The following B4GALT6 variants were observed in gnomAD, a reference collection of about 807,000 sequenced individuals.
B4GALT6 encodes UDP-Gal:beta-GlcNAc beta-1,4-galactosyltransferase 6.
Under a neutral mutation model 46.3 loss-of-function variants are expected in B4GALT6, and 14 were observed. That is an observed-to-expected ratio of 0.30 (90% CI 0.20 to 0.47). The LOEUF (loss-of-function observed/expected upper bound fraction) is 0.47. B4GALT6 is among the 20% of genes least tolerant of loss of function. B4GALT6 has a pLI of 0.99. For synonymous variants in B4GALT6, 168 were observed against 162.0 expected (o/e 1.04, Z -0.28); for missense variants, 386 against 480.1 (o/e 0.80, Z 1.83).
At chr18:31,709,126 C>A in the B4GALT6 span, among the ~76,000 whole-genome samples, 1 of 152,070 alleles carries the variant, frequency 6.6e-6, no homozygotes, top group African/African-American at 2.4e-5. Flanking sequence ...AATCTACAGT[C>A]CCTTTCAGGT....
the B4GALT6 span, among the ~76,000 whole-genome samples, chr18:31,707,980 C>G: frequency 1.3e-5 from 2 of 152,176 alleles, no homozygotes; most frequent in Non-Finnish European, 2.9e-5. Flanking sequence ...TTACCAGTGT[C>G]AATTCATATA....
At chr18:31,672,562 G>A (rs954584607) in intron 1 of B4GALT6, among the ~76,000 whole-genome samples, 12 of 152,212 alleles carry the variant, frequency 7.9e-5, no homozygotes, top group African/African-American at 2.9e-4. Flanking sequence ...AGAAGAGGGA[G>A]AGGTAAACCA....
chr18:31,653,765 T>C (rs1051042229), intron 3 of B4GALT6, among the ~76,000 whole-genome samples: 3 of 152,082 alleles, frequency 2.0e-5, no homozygotes, highest in African/African-American at 4.8e-5. Flanking sequence ...TTTCATAGCA[T>C]GCCTTTCTCC....
intron 3 of B4GALT6, among the ~76,000 whole-genome samples, chr18:31,651,391 C>T (rs1294142415): frequency 6.6e-6 from 1 of 152,056 alleles, no homozygotes; most frequent in Non-Finnish European, 1.5e-5. Flanking sequence ...ATTGTGACTC[C>T]ACCAGGGTGG....
intron 1 of B4GALT6, among the ~76,000 whole-genome samples, chr18:31,673,169 C>G (rs1430158868): frequency 6.6e-6 from 1 of 152,006 alleles, no homozygotes; most frequent in Non-Finnish European, 1.5e-5. Context: ...TAAGCAGAGG[C>G]TGAAGTGCAC....
upstream of B4GALT6, chr18:31,684,819 C>A (rs1237369966): frequency 1.0e-6 from 1 of 992,074 alleles, no homozygotes. Flanking sequence ...GGCGCCCCTG[C>A]GGAGAGGGGC....
chr18:31,659,088 G>T (rs1445441537), intron 2 of B4GALT6, among the ~76,000 whole-genome samples: 2 of 152,118 alleles, frequency 1.3e-5, no homozygotes, highest in African/African-American at 4.8e-5. Context: ...TGAAATGAGA[G>T]ACGGAAACAG....
chr18:31,691,800 C>G, the B4GALT6 span, among the ~76,000 whole-genome samples: 1 of 152,078 alleles, frequency 6.6e-6, no homozygotes, highest in Non-Finnish European at 1.5e-5. Context: ...GTGTCTGAAA[C>G]AGGAATTCTG....
rs2074282347 is a variant in B4GALT6 at position 31,666,327 on chromosome 18, C to T, written c.161G>A (p.Arg54Lys). ...ATGACCTATTGTTTTCACATTTTCT[C>T]TCAACATTATACCTCGAGCTTGTAC... ...FMVQARGIML[R>K]ENVKTIGHMI... Residue 54 changes from arginine (R) to lysine (K), a missense_variant, in exon 2 of 9, where the codon AGA becomes AAA. Arg to Lys is a conservative substitution (Grantham distance 26). Transcript: ENST00000306851. 1 of 1,610,720 alleles carries T rather than the reference C, an allele frequency of 6.2e-7. No homozygotes were observed. Among genetic ancestry groups the T allele is most frequent in the Non-Finnish European group, 8.5e-7 (1 of 1,178,198 alleles).
chr18:31,679,856 C>G (rs1791204), intron 1 of B4GALT6, among the ~76,000 whole-genome samples: 134,633 of 152,222 alleles, frequency 0.88, 59,734 homozygotes, highest in Non-Finnish European at 0.93. Context: ...TGTTAAAGCT[C>G]TTCCTGTTTC....
the B4GALT6 span, among the ~76,000 whole-genome samples, chr18:31,693,800 TCTATAAAAAATG>T: frequency 6.6e-6 from 1 of 151,892 alleles, no homozygotes; most frequent in Admixed American, 6.6e-5. Flanking sequence ...GGACTCCATC[TCTATAAAAAATG>T]CAAAAATTGC....
At chr18:31,679,628 GATAA>G (rs904145052) in intron 1 of B4GALT6, among the ~76,000 whole-genome samples, 2 of 152,158 alleles carry the variant, frequency 1.3e-5, no homozygotes, top group African/African-American at 2.4e-5. Context: ...TGTGTTGGAG[GATAA>G]ATAAATACCA....
At chr18:31,714,650 G>C in the B4GALT6 span, among the ~76,000 whole-genome samples, 1 of 152,188 alleles carries the variant, frequency 6.6e-6, no homozygotes, top group Non-Finnish European at 1.5e-5. Flanking sequence ...CTACAGTAAA[G>C]CGCAAATAAT....
chr18:31,682,293 A>C (rs1408512595), intron 1 of B4GALT6, among the ~76,000 whole-genome samples: 1 of 152,246 alleles, frequency 6.6e-6, no homozygotes, highest in Non-Finnish European at 1.5e-5. Context: ...CAAAAGATTA[A>C]AAAGGAGGCT....
chr18:31,630,541 A>AT (rs1198911603), intron 6 of B4GALT6, among the ~76,000 whole-genome samples: 1 of 152,058 alleles, frequency 6.6e-6, no homozygotes, highest in African/African-American at 2.4e-5. Flanking sequence ...AGGAGTCAAG[A>AT]TGAGTTATGC....
chr18:31,674,369 T>C (rs192804625), intron 1 of B4GALT6, among the ~76,000 whole-genome samples: 238 of 152,186 alleles, frequency 1.6e-3, no homozygotes, highest in Non-Finnish European at 2.9e-3. Flanking sequence ...TAAAAAGTTA[T>C]GAGGGAAGTG....
intron 8 of B4GALT6, among the ~76,000 whole-genome samples, 174 bp downstream of exon 8, chr18:31,626,109 A>C (rs925443368): frequency 1.3e-5 from 2 of 152,218 alleles, no homozygotes; most frequent in Non-Finnish European, 2.9e-5. Flanking sequence ...ATCTCTTAAA[A>C]ACAAGCATCA....
the B4GALT6 span, among the ~76,000 whole-genome samples, chr18:31,711,144 T>G: frequency 1.3e-5 from 2 of 152,272 alleles, 1 homozygote. Flanking sequence ...TCTTAAAAAT[T>G]TGTACAAAAA....
At chr18:31,655,777 A>G (rs532048933) in intron 3 of B4GALT6, among the ~76,000 whole-genome samples, 105 of 152,356 alleles carry the variant, frequency 6.9e-4, no homozygotes, top group Non-Finnish European at 4.4e-5. Context: ...TTACACAGAC[A>G]AAAGTATTCA....
Sources: gnomAD v4.1 joint callset for allele counts (sites outside exome capture counted in the v4.1 genomes callset) on GRCh38, gnomAD v4.1.1 for gene constraint, MANE v1.5 for transcripts, NCBI Gene and HGNC (gene_info 2026-07-23, HGNC 2026-07-21) for gene names.